Variants in SNAPC2 observed in about 807,000 individuals in gnomAD.
SNAPC2 encodes small nuclear RNA activating complex polypeptide 2.
A neutral mutation model predicts 22.9 loss-of-function variants in SNAPC2; 27 were observed. The ratio of observed to expected loss-of-function variants is 1.18; its 90% CI spans 0.87 to 1.63. The LOEUF is 1.63. Among genes scored for constraint, SNAPC2 ranks in the 40% most tolerant of loss-of-function variants. The pLI, the probability that SNAPC2 is intolerant of heterozygous loss-of-function variation, is 0.00. For missense variants in SNAPC2, 570 were observed against 449.1 expected (o/e 1.27, Z -2.43); for synonymous variants, 272 against 201.0 (o/e 1.35, Z -2.99).
Position 7,920,413 on chromosome 19 carries a change from G to A in SNAPC2, c.47G>A (p.Gly16Asp). The part of the protein sequence containing the change: ...RRRAAPARYL[G>D]EVTGPATWSA... ...CGAGCGGCCCCGGCGCGCTATCTGG[G>A]CGAGGTGACCGGTCCCGCGACCTGG... Residue 16 changes from glycine (G) to aspartate (D), a missense_variant, in exon 1 of 5, where the codon GGC becomes GAC. Physicochemically the swap from Gly to Asp is moderately conservative, Grantham distance 94. Coordinates refer to ENST00000221573, the MANE Select transcript of SNAPC2 (RefSeq NM_003083.4). 1 of 1,582,616 alleles carries A rather than the reference G, an allele frequency of 6.3e-7. No individual in the cohort carries two copies.
chr19:7,922,860 G>A lies in SNAPC2; in HGVS notation c.*96G>A. ...CTCTTTCTGAGGATCCCGTCATGGG[G>A]GAAGGTCCTTGAGATGATGCTCAGC... is the stretch of plus-strand genomic sequence containing the variant. On this transcript the variant is annotated 3_prime_UTR_variant, in exon 5 of 5. Coordinates refer to ENST00000221573, the MANE Select transcript of SNAPC2 (RefSeq NM_003083.4). 1 of 1,000,764 alleles carries A rather than the reference G, an allele frequency of 1.0e-6. No homozygotes were observed. Among genetic ancestry groups the A allele is most frequent in the Non-Finnish European group, 1.5e-6 (1 of 680,584 alleles). The allele number at this position is 1,000,764 out of a possible 1,614,324, so 62.0% of individuals were successfully genotyped here.
At position 7,922,703 on chromosome 19, in the gene SNAPC2, C is replaced by A; in HGVS notation, c.944C>A (p.Pro315His). Reference protein sequence around the residue: ...KSPWQAAGICPLNPFLVPLEL... With the variant: ...KSPWQAAGICHLNPFLVPLEL... The stretch of plus-strand genomic sequence containing the variant: ...CCTTGGCAAGCAGCTGGGATCTGTC[C>A]CCTGAACCCGTTCCTGGTGCCCCTG... The change falls in exon 5 of 5, where the codon CCC becomes CAC. Residue 315 changes from proline to histidine, a missense_variant. By Grantham distance (77) the Pro-to-His change is moderately conservative. Transcript: ENST00000221573. 1.2e-6 allele frequency: 2 copies of A among 1,611,226 alleles called. No individual in the cohort carries two copies. Among genetic ancestry groups the A allele is most frequent in the Non-Finnish European group, 1.7e-6 (2 of 1,178,170 alleles).
rs9654 is a variant in SNAPC2, at chr19:7,922,916, T to G, written c.*152T>G. 140,389 of 613,032 alleles carry G rather than the reference T, an allele frequency of 0.23. 19,373 individuals are homozygous for G. Among genetic ancestry groups the G allele is most frequent in the Non-Finnish European group, 0.28 (103,106 of 363,010 alleles). 38.0% of individuals were successfully genotyped at this position (613,032 alleles called of 1,614,324 possible). A position where few individuals can be genotyped will look rare whatever the true frequency, so the allele number is the denominator to read the frequency against. ...GGCGGGCCTCTAAGATGCCCCATAC[T>G]TTGGGGGTCTCAGAAATGGAACCCC... On this transcript the variant is annotated 3_prime_UTR_variant, in exon 5 of 5. Transcript: ENST00000221573.
In SNAPC2 at chr19:7,921,489, G is replaced by C. The variant is rs760563677; in HGVS notation, c.250G>C (p.Gly84Arg). 7 of 1,613,770 alleles carry C rather than the reference G, an allele frequency of 4.3e-6. No individual in the cohort carries two copies. In the East Asian group the frequency reaches 1.6e-4, roughly 36 times the overall value. The stretch of plus-strand genomic sequence containing the variant: ...GGAGGCCATTCAGAAAGTGCATCCG[G>C]GTGGCCTTCAGGGACCAAGGCGCCG... The part of the protein sequence containing the change: ...AREAIQKVHP[G>R]GLQGPRRREA... The change falls in exon 2 of 5, where the codon GGT (glycine) becomes CGT (arginine). Residue 84 changes from glycine (G) to arginine (R), a missense_variant. By Grantham distance (125) the Gly-to-Arg change is moderately radical. Transcript: ENST00000221573.
chr19:7,921,976 G>A (rs1983590282), intron 3 of SNAPC2, 59 bp from the exon 4 acceptor site: 1 of 1,539,508 alleles, frequency 6.5e-7, no homozygotes. Context: ...ATGGGGGAAT[G>A]TGTAGACGGT....
chr19:7,921,344 A>G (rs1983562841), intron 1 of SNAPC2, 79 bp from the exon 2 acceptor site: 1 of 1,605,600 alleles, frequency 6.2e-7, no homozygotes, highest in South Asian at 1.1e-5. Context: ...CCCAGAGCAT[A>G]CAAGGGATTG....
intron 1 of SNAPC2, chr19:7,920,910 G>A: frequency 9.7e-7 from 1 of 1,033,224 alleles, no homozygotes; most frequent in Non-Finnish European, 1.2e-6. Context: ...GCGTGGGCGG[G>A]TTAATAGCAA....
In SNAPC2 at chr19:7,922,158, G is replaced by A. The variant is rs1421399636; in HGVS notation, c.496G>A (p.Glu166Lys). 2.5e-6 allele frequency: 4 copies of A among 1,613,928 alleles called. No homozygotes were observed. The highest frequency in any genetic ancestry group is 3.4e-6 in the Non-Finnish European group (4 of 1,180,018). Reference sequence around the variant, plus strand: ...TGGAGGACAGGAAGACCCCGCCCCTGAAATACCTAGCTCTGCCCCTGCTGC... The same window carrying A: ...TGGAGGACAGGAAGACCCCGCCCCTAAAATACCTAGCTCTGCCCCTGCTGC... ...APGGQEDPAPEIPSSAPAAPS... is the reference protein window; with the variant it reads ...APGGQEDPAPKIPSSAPAAPS... Residue 166 changes from glutamate to lysine, a missense_variant, in exon 4 of 5, where the codon GAA becomes AAA. Glu to Lys is a moderately conservative substitution (Grantham distance 56, BLOSUM62 1). Transcript: ENST00000221573.
rs1435124116 is a variant in SNAPC2, at chr19:7,921,793, C to T, written c.372+20C>T. On this transcript the variant is annotated intron_variant, in intron 3 of 4. Coordinates refer to ENST00000221573, the MANE Select transcript of SNAPC2 (RefSeq NM_003083.4). The stretch of plus-strand genomic sequence containing the variant: ...TCGCAGGTACCGCCATTCCCCCAGG[C>T]AGGTCAGGGTGTCCCAGAGGACAGG... The T allele has an allele frequency of 6.2e-7, 1 of 1,609,208 alleles. No individual in the cohort carries two copies. Among genetic ancestry groups the T allele is most frequent in the Non-Finnish European group, 8.5e-7 (1 of 1,177,040 alleles).
rs1983623557 is a variant in SNAPC2 at position 7,922,610 on chromosome 19, C to T, written c.851C>T (p.Ala284Val). 1 of 1,613,622 alleles carries T rather than the reference C, an allele frequency of 6.2e-7. No individual in the cohort carries two copies. The highest frequency in any genetic ancestry group is 1.7e-5 in the Admixed American group (1 of 60,016). ...SLGPAAEGDG[A>V]GSKAPEETPP... ...GGGCCTGCAGCAGAAGGGGATGGGG[C>T]TGGCTCCAAGGCACCAGAGGAGACC... The change falls in exon 5 of 5, where the codon GCT (alanine) becomes GTT (valine). Residue 284 changes from alanine to valine, a missense_variant. By Grantham distance (64) the Ala-to-Val change is moderately conservative. Transcript: ENST00000221573.
chr19:7,921,947 T>C, intron 3 of SNAPC2, 88 bp from the exon 4 acceptor site: 2 of 1,461,896 alleles, frequency 1.4e-6, no homozygotes, highest in Admixed American at 3.7e-5. Flanking sequence ...CTGAGGAGCA[T>C]CTTAGGGTGG....
Position 7,921,483 on chromosome 19 carries a change from C to T in SNAPC2, c.244C>T (p.His82Tyr), listed in dbSNP as rs367960088. The T allele has an allele frequency of 4.3e-6, 7 of 1,613,768 alleles. No individual in the cohort carries two copies. The highest frequency in any genetic ancestry group is 2.7e-5 in the African/African-American group (2 of 74,922). The change falls in exon 2 of 5, where the codon CAT (histidine) becomes TAT (tyrosine). Residue 82 changes from histidine to tyrosine, a missense_variant. Coordinates refer to ENST00000221573, the MANE Select transcript of SNAPC2 (RefSeq NM_003083.4). ...AGCCCGGGAGGCCATTCAGAAAGTG[C>T]ATCCGGGTGGCCTTCAGGGACCAAG... ...RVAREAIQKVHPGGLQGPRRR... is the reference protein window; with the variant it reads ...RVAREAIQKVYPGGLQGPRRR...
In SNAPC2 at chr19:7,922,786, C is replaced by T. The variant is rs768529291; in HGVS notation, c.*22C>T. 1 of 1,532,492 alleles carries T rather than the reference C, an allele frequency of 6.5e-7. No homozygotes were observed. The highest frequency in any genetic ancestry group is 8.8e-7 in the Non-Finnish European group (1 of 1,133,330). The allele number at this position is 1,532,492 out of a possible 1,614,324, so 94.9% of individuals were successfully genotyped here. ...GTGAGGGGCATGGCGGGCAGGAGGC[C>T]ACACCAGGCCCCCCGCCCTGCCCCT... On this transcript the variant is annotated 3_prime_UTR_variant, in exon 5 of 5. Transcript: ENST00000221573.
At position 7,923,036 on chromosome 19, in the gene SNAPC2, A is replaced by G. The variant is rs924971443; in HGVS notation, c.*272A>G. The G allele has an allele frequency of 4.0e-5, 17 of 429,960 alleles. No individual in the cohort carries two copies. The highest frequency in any genetic ancestry group is 2.2e-4 in the African/African-American group (11 of 49,112). The allele number at this position is 429,960 out of a possible 1,614,324, so 26.6% of individuals were successfully genotyped here. ...ACAGGGCTGGCCTCCCCCAGTCCCC[A>G]AGCCCCACTGTGCCTTGTTGTCTGC... is the stretch of plus-strand genomic sequence containing the variant. On this transcript the variant is annotated 3_prime_UTR_variant, in exon 5 of 5. Transcript: ENST00000221573.
rs549509136 is a variant in SNAPC2, at chr19:7,921,330, G to A, written c.184-93G>A. 7.6e-6 allele frequency: 12 copies of A among 1,586,136 alleles called. No homozygotes were observed. In the Admixed American group the frequency reaches 8.5e-5, roughly 11 times the overall value. On this transcript the variant is annotated intron_variant, in intron 1 of 4. Transcript: ENST00000221573. ...CAGCAGGAGACTAAGGCGCAGTAGCGGGGCCCAGAGCATACAAGGGATTGG... is the reference window on the plus strand; with the variant it reads ...CAGCAGGAGACTAAGGCGCAGTAGCAGGGCCCAGAGCATACAAGGGATTGG...
In SNAPC2 at chr19:7,922,742, G is replaced by A. The variant is rs778135534; in HGVS notation, c.983G>A (p.Arg328Gln). 8.8e-6 allele frequency: 14 copies of A among 1,592,664 alleles called. No homozygotes were observed. The East Asian group carries it at 1.4e-4, about 15-fold the overall frequency. The change falls in exon 5 of 5, where the codon CGG becomes CAG. Residue 328 changes from arginine to glutamine, a missense_variant. By Grantham distance (43) the Arg-to-Gln change is conservative. Coordinates refer to ENST00000221573, the MANE Select transcript of SNAPC2 (RefSeq NM_003083.4). The part of the protein sequence containing the change: ...PFLVPLELLG[R>Q]AATPAR ...CTGGTGCCCCTGGAGCTTCTGGGTC[G>A]GGCAGCCACCCCTGCCAGGTGAGGG...
At position 7,922,216 on chromosome 19, in the gene SNAPC2, C is replaced by T. The variant is rs374915726; in HGVS notation, c.554C>T (p.Ala185Val). The T allele has an allele frequency of 1.1e-4, 178 of 1,614,022 alleles. 2 individuals carry two copies. The highest frequency in any genetic ancestry group is 6.2e-4 in the East Asian group (28 of 44,890). ...TCCGCACCCAGGACTCCTGACCCTGCCCCTGAGAAACCTTCTGAGTCGTCG... is the reference window on the plus strand; with the variant it reads ...TCCGCACCCAGGACTCCTGACCCTGTCCCTGAGAAACCTTCTGAGTCGTCG... The part of the protein sequence containing the change: ...PSSAPRTPDP[A>V]PEKPSESSAG... The change falls in exon 4 of 5, where the codon GCC (alanine) becomes GTC (valine). Residue 185 changes from alanine to valine, a missense_variant. Coordinates refer to ENST00000221573, the MANE Select transcript of SNAPC2 (RefSeq NM_003083.4).
chr19:7,921,925 G>T, intron 3 of SNAPC2, 110 bp from the exon 4 acceptor site: 1 of 1,406,812 alleles, frequency 7.1e-7, no homozygotes. Flanking sequence ...TGGCTCTGAG[G>T]CCATCTCTTG....
intron 2 of SNAPC2, 34 bp from the exon 3 acceptor site, chr19:7,921,671 C>T: frequency 2.5e-6 from 4 of 1,611,966 alleles, no homozygotes; most frequent in East Asian, 2.2e-5. Flanking sequence ...CAGGCTGATC[C>T]CTGGGCTGAC....
Sources: gnomAD v4.1 joint callset for allele counts on GRCh38, gnomAD v4.1.1 for gene constraint, MANE v1.5 for transcripts, NCBI Gene and HGNC (gene_info 2026-07-23, HGNC 2026-07-21) for gene names.